EYA3: variants seen among roughly 807,000 people sequenced by gnomAD.
EYA3 encodes protein phosphatase EYA3.
A neutral mutation model predicts 80.0 loss-of-function variants in EYA3; 39 were observed. The ratio of observed to expected loss-of-function variants is 0.49; its 90% CI spans 0.38 to 0.64. The LOEUF (loss-of-function observed/expected upper bound fraction) is 0.64, where lower values mean the gene tolerates loss of function less well. Among genes scored for constraint, EYA3 ranks in the 30% least tolerant of loss-of-function variants. EYA3 has a pLI of 0.00. For synonymous variants in EYA3, 206 were observed against 232.8 expected, an observed-to-expected ratio of 0.88 and a Z score of 1.05; for missense variants, 523 against 676.1, an observed-to-expected ratio of 0.77 and a Z score of 2.51.
chr1:28,011,083 T>A lies in EYA3; in HGVS notation c.773A>T (p.Asp258Val), dbSNP rs769248577. The change falls in exon 10 of 18, where the codon GAC becomes GTC. Residue 258 changes from aspartate (D) to valine (V), a missense_variant. Around this residue, in one of 2 missense-constraint regions of EYA3, gnomAD observed 304 missense variants for 343.3 expected, o/e 0.89. Transcript: ENST00000373871. ...GGACAAAGATGGACTTGTAGAAGGG[T>A]CTCCTGGAAAGAAAAAGTGAAACAT... ...APAAQRLSSG[D>V]PSTSPSLSQT... 5.2e-5 allele frequency: 83 copies of A among 1,610,806 alleles called. No individual in the cohort carries two copies. The Middle Eastern group carries it at 9.9e-4, about 19-fold the overall frequency.
chr1:28,057,381 C>T (rs1277531249), intron 2 of EYA3, among the ~76,000 whole-genome samples: 1 of 151,952 alleles, frequency 6.6e-6, no homozygotes, highest in Non-Finnish European at 1.5e-5. Context: ...GAGAAAGAAA[C>T]TGAAGACAAA....
At chr1:28,060,902 T>G (rs533589444) in intron 1 of EYA3, among the ~76,000 whole-genome samples, 1 of 152,120 alleles carries the variant, frequency 6.6e-6, no homozygotes, top group Non-Finnish European at 1.5e-5. Flanking sequence ...TAGTCCCAGC[T>G]CCTTGGGAGG....
chr1:28,057,843 A>G (rs1571915389), intron 2 of EYA3, 151 bp downstream of exon 2: 1 of 483,190 alleles, frequency 2.1e-6, no homozygotes, highest in East Asian at 3.3e-5. Context: ...GAATTAAGTT[A>G]GAAAAATATA....
At chr1:28,023,841 T>C (rs1180809599) in intron 7 of EYA3, among the ~76,000 whole-genome samples, 1 of 152,216 alleles carries the variant, frequency 6.6e-6, no homozygotes, top group African/African-American at 2.4e-5. Context: ...TGTAATATAC[T>C]AACGTAAGAT....
intron 11 of EYA3, among the ~76,000 whole-genome samples, chr1:28,002,647 C>T (rs1258996495): frequency 2.0e-5 from 3 of 151,446 alleles, no homozygotes; most frequent in Non-Finnish European, 4.4e-5. Context: ...CCCATCTCTA[C>T]AAAAATAAAA....
intron 1 of EYA3, among the ~76,000 whole-genome samples, chr1:28,078,005 GT>G (rs1209879425): frequency 2.0e-5 from 3 of 152,002 alleles, no homozygotes; most frequent in African/African-American, 4.8e-5. Context: ...TCTAGGTTCA[GT>G]TTTTTTATTA....
intron 4 of EYA3, 71 bp downstream of exon 4, chr1:28,042,500 C>A: frequency 7.1e-7 from 1 of 1,398,830 alleles, no homozygotes; most frequent in African/African-American, 1.4e-5. Context: ...TTACGAAAAA[C>A]CAACTCTATA....
At chr1:28,064,191 T>C (rs546054795) in intron 1 of EYA3, among the ~76,000 whole-genome samples, 7 of 152,254 alleles carry the variant, frequency 4.6e-5, no homozygotes, top group South Asian at 2.1e-4. Flanking sequence ...TTTTAGACAA[T>C]AGCCTTTAAT....
Position 28,038,848 on chromosome 1 carries a change from T to A in EYA3, c.215A>T (p.Tyr72Phe). ...RSSNDYTSQM[Y>F]SAKPYAHILS... ...TAATTATTCAACTTACTTTGCAGAA[T>A]ACATTTGTGAGGTATAATCATTGGA... Residue 72 changes from tyrosine to phenylalanine, a missense_variant, in exon 5 of 18, where the codon TAT becomes TTT. Tyr to Phe is a conservative substitution (Grantham distance 22). Around this residue, in one of 2 missense-constraint regions of EYA3, gnomAD observed 304 missense variants for 343.3 expected, o/e 0.89. Coordinates refer to ENST00000373871, the MANE Select transcript of EYA3 (RefSeq NM_001990.4). 6.3e-7 allele frequency: 1 copy of A among 1,582,068 alleles called. No individual in the cohort carries two copies. The highest frequency in any genetic ancestry group is 8.6e-7 in the Non-Finnish European group (1 of 1,159,570).
chr1:28,086,399 G>C (rs886105013), intron 1 of EYA3, among the ~76,000 whole-genome samples: 2 of 152,060 alleles, frequency 1.3e-5, no homozygotes, highest in Non-Finnish European at 2.9e-5. Flanking sequence ...ATGTTGCCCA[G>C]GTTGGTCTCG....
Position 28,013,985 on chromosome 1 carries a change from C to T in EYA3, c.586-691G>A, listed in dbSNP as rs535946741. Among the ~76,000 whole-genome samples, 27 of 152,272 alleles carry T rather than the reference C, an allele frequency of 1.8e-4. No individual in the cohort carries two copies. The highest frequency in any genetic ancestry group is 6.3e-4 in the African/African-American group (26 of 41,562). ...GGCTAAGGCACAAGAATCGCTTGAA[C>T]CTGGAAAGCGGAGGTTGCAGTGAGC... On this transcript the variant is annotated intron_variant, in intron 8 of 17. Transcript: ENST00000373871. This position sits in a 1 kb window ranked among gnomAD's most constrained non-coding sequence, Gnocchi z 4.0.
At chr1:28,036,595 A>G (rs893726538) in intron 5 of EYA3, among the ~76,000 whole-genome samples, 2 of 152,224 alleles carry the variant, frequency 1.3e-5, no homozygotes, top group Non-Finnish European at 2.9e-5. Context: ...AATCTCCTCA[A>G]TGATATTTAA....
At chr1:27,983,922 T>G (rs993413185) in intron 16 of EYA3, among the ~76,000 whole-genome samples, 2 of 152,260 alleles carry the variant, frequency 1.3e-5, no homozygotes, top group African/African-American at 4.8e-5. Context: ...CCCAAAGTGC[T>G]GGGATTACAG....
At chr1:28,012,215 T>C (rs1641741895) in intron 9 of EYA3, among the ~76,000 whole-genome samples, 1 of 152,218 alleles carries the variant, frequency 6.6e-6, no homozygotes, top group Admixed American at 6.5e-5. Flanking sequence ...TAAGTGTTCA[T>C]CACACTAGCC....
At chr1:28,046,844 C>CTT (rs35846889) in intron 3 of EYA3, among the ~76,000 whole-genome samples, 277 of 144,968 alleles carry the variant, frequency 1.9e-3, no homozygotes, top group Middle Eastern at 3.5e-3. Flanking sequence ...ATTTTTCTTT[C>CTT]TTTTTTTTTT....
chr1:27,992,364 C>T (rs1341626881), intron 14 of EYA3, among the ~76,000 whole-genome samples: 4 of 152,198 alleles, frequency 2.6e-5, no homozygotes, highest in Admixed American at 6.5e-5. Context: ...AGATCCCTTG[C>T]ATGTGCAGTT....
At chr1:27,974,672 C>T (rs1638853217) in intron 17 of EYA3, 126 bp from the exon 18 acceptor site, 1 of 653,048 alleles carries the variant, frequency 1.5e-6, no homozygotes, top group Non-Finnish European at 2.7e-6. Context: ...ATCCCTGCCT[C>T]ATAGGGCTGT....
At chr1:28,058,128 C>T (rs941408961) in intron 1 of EYA3, 34 bp from the exon 2 acceptor site, 2 of 888,492 alleles carry the variant, frequency 2.3e-6, no homozygotes, top group East Asian at 2.6e-5. Flanking sequence ...AAGCTTTATA[C>T]ACTCTTAAAG....
intron 1 of EYA3, among the ~76,000 whole-genome samples, chr1:28,073,127 A>ATATATATATTTTTTTT (rs1553157671): frequency 1.3e-4 from 2 of 14,998 alleles, no homozygotes; most frequent in African/African-American, 3.2e-4. Context: ...ATATATATAT[A>ATATATATATTTTTTTT]TTTTTTTTTT....
Sources: gnomAD v4.1 joint callset for allele counts (sites outside exome capture counted in the v4.1 genomes callset) on GRCh38, gnomAD v4.1.1 for gene constraint, gnomAD v4.1.1 regional missense constraint, Gnocchi (gnomAD v3.1) non-coding constraint, MANE v1.5 for transcripts, NCBI Gene and HGNC (gene_info 2026-07-23, HGNC 2026-07-21) for gene names.